The following HSF2BP variants were observed in gnomAD, a reference collection of about 807,000 sequenced individuals.
HSF2BP encodes heat shock factor 2-binding protein.
HSF2BP carries 35 observed loss-of-function variants against 35.0 expected under a neutral mutation model. The observed-to-expected ratio is 1.00, with a 90% confidence interval of 0.76 to 1.32. HSF2BP has a LOEUF of 1.32. Ranked by LOEUF, HSF2BP falls within the 40% of genes most tolerant of loss-of-function variation. The pLI is 0.00. For synonymous variants in HSF2BP, 114 were observed against 117.4 expected (o/e 0.97, Z 0.18); for missense variants, 326 against 321.7 (o/e 1.01, Z -0.10).
intron 4 of HSF2BP, among the ~76,000 whole-genome samples, chr21:43,643,818 C>T (rs187699078): frequency 2.0e-4 from 30 of 152,046 alleles, no homozygotes; most frequent in Non-Finnish European, 3.2e-4. Context: ...CTTAGCCGGC[C>T]GTGGTGGCGG....
rs530853775 is a variant in HSF2BP, at chr21:43,619,914, G to A, written c.575-5967C>T. 1.5e-3 allele frequency among the ~76,000 whole-genome samples: 234 copies of A among 152,318 alleles called. 2 individuals are homozygous for A. The highest frequency in any genetic ancestry group is 5.4e-3 in the African/African-American group (223 of 41,568). On this transcript the variant is annotated intron_variant, in intron 6 of 8. Transcript: ENST00000291560. The stretch of plus-strand genomic sequence containing the variant: ...TCCCACAGGTCCCCTGGGCACAGAC[G>A]CCTTGCCAGTATTCCCACACTGCCG...
Position 43,597,756 on chromosome 21 carries a change from A to C in HSF2BP, c.693-5428T>G, listed in dbSNP as rs899302300. 2.0e-5 allele frequency among the ~76,000 whole-genome samples: 3 copies of C among 152,138 alleles called. No individual in the cohort carries two copies. Among genetic ancestry groups the C allele is most frequent in the African/African-American group, 7.2e-5 (3 of 41,426 alleles). On this transcript the variant is annotated intron_variant, in intron 7 of 8. Transcript: ENST00000291560. The surrounding 1 kb of genome is among the most constrained non-coding windows in gnomAD (Gnocchi z 4.3). ...GGTCTTGAATTCTCGGCCTCAGGCAATTTTCCCACGTCGGCCTCCCAAAGT... is the reference window on the plus strand; with the variant it reads ...GGTCTTGAATTCTCGGCCTCAGGCACTTTTCCCACGTCGGCCTCCCAAAGT...
At chr21:43,599,687 G>C (rs142175255) in intron 7 of HSF2BP, among the ~76,000 whole-genome samples, 3 of 151,778 alleles carry the variant, frequency 2.0e-5, no homozygotes, top group Admixed American at 6.6e-5. Context: ...CCAGCTACTC[G>C]GGAGGCTGAG....
intron 7 of HSF2BP, among the ~76,000 whole-genome samples, chr21:43,595,664 A>G (rs1259124834): frequency 1.3e-5 from 2 of 151,688 alleles, no homozygotes; most frequent in Admixed American, 1.3e-4. Context: ...TCTCAAAAAT[A>G]ATAACTAAAA....
intron 8 of HSF2BP, among the ~76,000 whole-genome samples, chr21:43,577,411 C>T (rs2081657324): frequency 6.6e-6 from 1 of 152,214 alleles, no homozygotes; most frequent in Non-Finnish European, 1.5e-5. Flanking sequence ...AACTTCAGCT[C>T]AAAGTGGCTT....
intron 7 of HSF2BP, among the ~76,000 whole-genome samples, chr21:43,607,134 A>G (rs1215330698): frequency 1.3e-5 from 2 of 152,164 alleles, no homozygotes; most frequent in East Asian, 3.9e-4. Context: ...ACAAAAAACT[A>G]CAGAAATTAG....
chr21:43,646,778 C>T (rs1415897842), intron 3 of HSF2BP, among the ~76,000 whole-genome samples: 1 of 152,182 alleles, frequency 6.6e-6, no homozygotes, highest in Non-Finnish European at 1.5e-5. Context: ...GAGGCCACAC[C>T]CATCTACGCC....
intron 8 of HSF2BP, among the ~76,000 whole-genome samples, chr21:43,576,137 A>G (rs1263188497): frequency 7.4e-6 from 1 of 135,438 alleles, no homozygotes; most frequent in Non-Finnish European, 1.6e-5. Flanking sequence ...AAAAAAAAAA[A>G]GTCATTTCCA....
At position 43,584,995 on chromosome 21, in the gene HSF2BP, A is replaced by ATTATTTATTTATTTATTTAT. The variant is rs557734689; in HGVS notation, c.796+7210_796+7229dup. On this transcript the variant is annotated intron_variant, in intron 8 of 8. Coordinates refer to ENST00000291560, the MANE Select transcript of HSF2BP (RefSeq NM_007031.2). Reference sequence around the variant, plus strand: ...CATGCTCTAGGTATAATTTTATTTAATTATTTATTTATTTATTTATTTATT... The same window carrying ATTATTTATTTATTTATTTAT: ...CATGCTCTAGGTATAATTTTATTTAATTATTTATTTATTTATTTATTTATTTATTTATTTATTTATTTATT... Among the ~76,000 whole-genome samples the ATTATTTATTTATTTATTTAT allele has an allele frequency of 7.0e-3, 1,055 of 151,584 alleles. 15 individuals are homozygous for ATTATTTATTTATTTATTTAT. The highest frequency in any genetic ancestry group is 0.024 in the African/African-American group (1,006 of 41,172).
intron 2 of HSF2BP, among the ~76,000 whole-genome samples, chr21:43,657,109 G>A (rs1256386217): frequency 6.6e-6 from 1 of 152,148 alleles, no homozygotes; most frequent in African/African-American, 2.4e-5. Flanking sequence ...AGTGGCTCAC[G>A]CCTGTAATCC....
In HSF2BP at chr21:43,597,420, T is replaced by C. The variant is rs2082000556; in HGVS notation, c.693-5092A>G. Reference sequence around the variant, plus strand: ...AAGCCACTTGCTTTGGGTGTAAATTTAAGGGAGTATCAAAATGCCCAGTGG... The same window carrying C: ...AAGCCACTTGCTTTGGGTGTAAATTCAAGGGAGTATCAAAATGCCCAGTGG... On this transcript the variant is annotated intron_variant, in intron 7 of 8. Coordinates refer to ENST00000291560, the MANE Select transcript of HSF2BP (RefSeq NM_007031.2). The surrounding 1 kb of genome is among the most constrained non-coding windows in gnomAD (Gnocchi z 4.3). Among the ~76,000 whole-genome samples the C allele has an allele frequency of 6.6e-6, 1 of 152,194 alleles. No individual in the cohort carries two copies. Among genetic ancestry groups the C allele is most frequent in the Non-Finnish European group, 1.5e-5 (1 of 68,034 alleles).
intron 6 of HSF2BP, among the ~76,000 whole-genome samples, chr21:43,623,081 G>A (rs1306952018): frequency 6.6e-6 from 1 of 151,790 alleles, no homozygotes; most frequent in Non-Finnish European, 1.5e-5. Flanking sequence ...TAGGATTACA[G>A]GCATGGGCCA....
At chr21:43,642,020 G>A (rs951590510) in intron 4 of HSF2BP, among the ~76,000 whole-genome samples, 1 of 152,054 alleles carries the variant, frequency 6.6e-6, no homozygotes, top group African/African-American at 2.4e-5. Flanking sequence ...CCAGGGCCAG[G>A]TGCAGTGGCC....
chr21:43,635,201 T>C (rs1319596429), intron 4 of HSF2BP, among the ~76,000 whole-genome samples: 3 of 152,074 alleles, frequency 2.0e-5, no homozygotes, highest in East Asian at 3.9e-4. Flanking sequence ...TGAGAGAAAG[T>C]AGAGCTAAAT....
chr21:43,571,892 G>A (rs77836310), intron 8 of HSF2BP, among the ~76,000 whole-genome samples: 4,479 of 148,832 alleles, frequency 0.03, 93 homozygotes, highest in Non-Finnish European at 0.045. Context: ...TAATCCGACT[G>A]TGAAAGATCA....
chr21:43,580,750 T>C (rs569505519), intron 8 of HSF2BP, among the ~76,000 whole-genome samples: 26 of 152,264 alleles, frequency 1.7e-4, no homozygotes, highest in Admixed American at 5.9e-4. Flanking sequence ...TAAAATTCTT[T>C]GTCGGTGAAG....
intron 4 of HSF2BP, among the ~76,000 whole-genome samples, chr21:43,642,270 G>A (rs2082647075): frequency 6.6e-6 from 1 of 152,166 alleles, no homozygotes. Flanking sequence ...AGGCCAAGGA[G>A]GAGGATCGCT....
At chr21:43,619,214 T>A (rs1442799635) in intron 6 of HSF2BP, among the ~76,000 whole-genome samples, 1 of 152,234 alleles carries the variant, frequency 6.6e-6, no homozygotes, top group Non-Finnish European at 1.5e-5. Flanking sequence ...CTATTTGCTT[T>A]ACTGCAGTAA....
rs757662263 is a variant in HSF2BP at position 43,633,330 on chromosome 21, C to A, written c.383G>T (p.Cys128Phe). The change falls in exon 5 of 9, where the codon TGT becomes TTT. Residue 128 changes from cysteine to phenylalanine, a missense_variant. By Grantham distance (205) the Cys-to-Phe change is radical (BLOSUM62 -2). Coordinates refer to ENST00000291560, the MANE Select transcript of HSF2BP (RefSeq NM_007031.2). The part of the protein sequence containing the change: ...EYCTEMGAAA[C>F]TLLWGVSSSE... Reference sequence around the variant, plus strand: ...GCTGGAGACACCCCACAAGAGGGTACACGCTGCTGCTCCCATTTCTGTACA... The same window carrying A: ...GCTGGAGACACCCCACAAGAGGGTAAACGCTGCTGCTCCCATTTCTGTACA... 3.1e-6 allele frequency: 5 copies of A among 1,614,124 alleles called. No individual in the cohort carries two copies. The highest frequency in any genetic ancestry group is 4.2e-6 in the Non-Finnish European group (5 of 1,180,006).
Sources: gnomAD v4.1 joint callset for allele counts (sites outside exome capture counted in the v4.1 genomes callset) on GRCh38, gnomAD v4.1.1 for gene constraint, Gnocchi (gnomAD v3.1) non-coding constraint, MANE v1.5 for transcripts, NCBI Gene and HGNC (gene_info 2026-07-23, HGNC 2026-07-21) for gene names.